Variants in H2AC8 observed in about 807,000 individuals in gnomAD.
The protein encoded by H2AC8 is H2A clustered histone 8, also known as histone H2A type 1-B/E.
In H2AC8, 9 loss-of-function variants were observed where a neutral mutation model predicts 6.3. That is an observed-to-expected ratio of 1.43 (90% CI 0.86 to 2.49). The LOEUF (loss-of-function observed/expected upper bound fraction) is 2.49. Ranked by LOEUF, H2AC8 falls within the 30% of genes most tolerant of loss-of-function variation. The probability of loss-of-function intolerance (pLI) is 0.00; values close to 1 mark genes in which losing one functional copy is unlikely to be tolerated. For synonymous variants in H2AC8, 176 were observed against 79.6 expected (o/e 2.21, Z -6.45); for missense variants, 141 against 177.5 (o/e 0.79, Z 1.17).
upstream of H2AC8, chr6:26,216,925 T>G (rs768758797): frequency 1.2e-6 from 2 of 1,600,486 alleles, no homozygotes; most frequent in Non-Finnish European, 1.7e-6. Context: ...GAGCCCATTC[T>G]TTTTCTTTAT....
upstream of H2AC8, chr6:26,216,940 TG>T: frequency 6.2e-7 from 1 of 1,610,800 alleles, no homozygotes; most frequent in Middle Eastern, 1.7e-4. Flanking sequence ...CTTTATTCAG[TG>T]GATTGTTAGT....
chr6:26,217,250 G>C (rs779305402), exon 1 of H2AC8: 4 of 1,614,240 alleles, frequency 2.5e-6, no homozygotes, highest in South Asian at 1.1e-5. Context: ...GCAACGACGA[G>C]GAGCTAAATA....
exon 1 of H2AC8, chr6:26,217,237 T>A: frequency 1.2e-6 from 2 of 1,614,182 alleles, no homozygotes; most frequent in Non-Finnish European, 1.7e-6. Context: ...CAGCTAGCCA[T>A]CCGCAACGAC....
At chr6:26,217,128 C>T (rs759447413) in exon 1 of H2AC8, 10 of 1,614,076 alleles carry the variant, frequency 6.2e-6, no homozygotes, top group South Asian at 4.4e-5. Flanking sequence ...TCCAGTGTAC[C>T]TGGCAGCGGT....
chr6:26,217,142 G>A (rs968516236), exon 1 of H2AC8: 4 of 1,614,196 alleles, frequency 2.5e-6, no homozygotes, highest in African/African-American at 1.3e-5. Flanking sequence ...CAGCGGTGCT[G>A]GAATATCTGA....
rs1209780181 is a variant in H2AC8, at chr6:26,217,421, C to CT, written c.*58dup. The CT allele has an allele frequency of 3.2e-6, 5 of 1,566,504 alleles. No individual in the cohort carries two copies. In the African/African-American group the frequency reaches 6.9e-5, roughly 22 times the overall value. Reference sequence around the variant, plus strand: ...TCCCGAGTCCCAGAAACCAAAGGCTCTTTTCAGAGCCACCCACCTTTTCTG... The same window carrying CT: ...TCCCGAGTCCCAGAAACCAAAGGCTCTTTTTCAGAGCCACCCACCTTTTCTG... On this transcript the variant is annotated 3_prime_UTR_variant, in exon 1 of 1. Transcript: ENST00000303910.
exon 1 of H2AC8, chr6:26,217,081 G>A (rs1299699031): frequency 1.9e-6 from 3 of 1,614,156 alleles, no homozygotes; most frequent in Non-Finnish European, 2.5e-6. Context: ...CGCCTCCTCC[G>A]CAAAGGCAAC....
At chr6:26,217,137 G>T in exon 1 of H2AC8, 1 of 1,614,174 alleles carries the variant, frequency 6.2e-7, no homozygotes, top group Non-Finnish European at 8.5e-7. Context: ...CCTGGCAGCG[G>T]TGCTGGAATA....
At chr6:26,217,031 T>C (rs142313261) in exon 1 of H2AC8, 14 of 1,614,086 alleles carry the variant, frequency 8.7e-6, no homozygotes, top group Non-Finnish European at 1.1e-5. Context: ...AAACGCGTTC[T>C]TCCAGGGCCG....
At chr6:26,217,017 G>C (rs756106574) in exon 1 of H2AC8, 5 of 1,614,082 alleles carry the variant, frequency 3.1e-6, no homozygotes, top group Admixed American at 3.3e-5. Flanking sequence ...TCGGGCAAAA[G>C]CTAAAACGCG....
Position 26,217,010 on chromosome 6 carries a change from G to GGCAAAAGCTAAAAC in H2AC8, c.39_52dup (p.Arg18GlnfsTer47). On this transcript the variant is annotated frameshift_variant, in exon 1 of 1. Transcript: ENST00000303910. LOFTEE classifies it high-confidence loss of function. ...GTGGAAAGCAAGGCGGCAAAGCTCGGGCAAAAGCTAAAACGCGTTCTTCCA... is the reference window on the plus strand; with the variant it reads ...GTGGAAAGCAAGGCGGCAAAGCTCGGGCAAAAGCTAAAACGCAAAAGCTAAAACGCGTTCTTCCA... The GGCAAAAGCTAAAAC allele has an allele frequency of 6.2e-7, 1 of 1,614,168 alleles. No individual in the cohort carries two copies. Among genetic ancestry groups the GGCAAAAGCTAAAAC allele is most frequent in the Non-Finnish European group, 8.5e-7 (1 of 1,180,026 alleles).
chr6:26,217,316 C>G, exon 1 of H2AC8: 1 of 1,614,148 alleles, frequency 6.2e-7, no homozygotes. Context: ...ACATCCAGGC[C>G]GTATTGCTGC....
exon 1 of H2AC8, chr6:26,217,076 C>T (rs766253241): frequency 1.7e-5 from 28 of 1,614,092 alleles, no homozygotes; most frequent in Admixed American, 1.0e-4. Context: ...TGCACCGCCT[C>T]CTCCGCAAAG....
chr6:26,217,104 G>A (rs369354782), exon 1 of H2AC8: 11 of 1,614,096 alleles, frequency 6.8e-6, no homozygotes, highest in Non-Finnish European at 9.3e-6. Context: ...CTCCGAACGA[G>A]TCGGGGCCGG....
At chr6:26,217,116 G>A (rs780345018) in exon 1 of H2AC8, 3 of 1,614,044 alleles carry the variant, frequency 1.9e-6, no homozygotes, top group African/African-American at 1.3e-5. Flanking sequence ...CGGGGCCGGC[G>A]CTCCAGTGTA....
At chr6:26,217,226 G>A in exon 1 of H2AC8, 2 of 1,614,206 alleles carry the variant, frequency 1.2e-6, no homozygotes, top group South Asian at 1.1e-5. Context: ...CGCGCCACCT[G>A]CAGCTAGCCA....
upstream of H2AC8, chr6:26,216,971 C>A (rs375059554): frequency 4.3e-6 from 7 of 1,613,988 alleles, no homozygotes; most frequent in Non-Finnish European, 5.9e-6. Flanking sequence ...GTTAGGAAGC[C>A]ACTATGTCTG....
exon 1 of H2AC8, chr6:26,217,386 C>T (rs1012883659): frequency 8.1e-6 from 13 of 1,601,638 alleles, no homozygotes; most frequent in Non-Finnish European, 1.1e-5. Flanking sequence ...CTAGTCAAAT[C>T]CGTCAGTGAT....
exon 1 of H2AC8, chr6:26,217,091 C>G: frequency 1.2e-6 from 2 of 1,614,206 alleles, no homozygotes; most frequent in Non-Finnish European, 1.7e-6. Context: ...GCAAAGGCAA[C>G]TACTCCGAAC....
Sources: allele counts gnomAD v4.1 joint callset, GRCh38; gene constraint gnomAD v4.1.1; transcripts MANE v1.5; gene names NCBI Gene and HGNC (gene_info 2026-07-23, HGNC 2026-07-21).